The following SUSD6 variants were observed in gnomAD, a reference collection of about 807,000 sequenced individuals.
The protein encoded by SUSD6 is sushi domain containing 6.
In SUSD6, 16 loss-of-function variants were observed where a neutral mutation model predicts 28.4. That is an observed-to-expected ratio of 0.56 (90% confidence interval 0.38 to 0.86). The LOEUF is 0.86. SUSD6 is among the 40% of genes least tolerant of loss of function. SUSD6 has a pLI of 0.00. For synonymous variants in SUSD6, 147 were observed against 159.6 expected, an observed-to-expected ratio of 0.92 and a Z score of 0.59; for missense variants, 341 against 384.2, an observed-to-expected ratio of 0.89 and a Z score of 0.94.
At chr14:69,662,564 C>G (rs1057228407) in intron 2 of SUSD6, among the ~76,000 whole-genome samples, 11 of 152,178 alleles carry the variant, frequency 7.2e-5, no homozygotes, top group Non-Finnish European at 1.0e-4. Context: ...TGATAAGTTT[C>G]CTTTTTAAGA....
chr14:69,674,012 T>C (rs1051118327), intron 2 of SUSD6, among the ~76,000 whole-genome samples: 6 of 152,242 alleles, frequency 3.9e-5, no homozygotes, highest in Admixed American at 3.9e-4. Context: ...TGAGAACTTC[T>C]GTTGATCAGA....
intron 1 of SUSD6, among the ~76,000 whole-genome samples, chr14:69,638,423 A>AGAGTGT (rs1555343232): frequency 7.2e-6 from 1 of 139,142 alleles, no homozygotes; most frequent in African/African-American, 2.7e-5. Context: ...TGGGGTGGGG[A>AGAGTGT]GTGTGTGTGT....
chr14:69,668,076 G>C (rs1169433207), intron 2 of SUSD6, among the ~76,000 whole-genome samples: 1 of 152,182 alleles, frequency 6.6e-6, no homozygotes, highest in South Asian at 2.1e-4. Flanking sequence ...GGCCCAGTGA[G>C]CAGTAGCAGT....
chr14:69,622,304 A>C (rs1885052591), intron 1 of SUSD6, among the ~76,000 whole-genome samples: 2 of 152,140 alleles, frequency 1.3e-5, no homozygotes, highest in African/African-American at 4.8e-5. Flanking sequence ...AGCTGGGACT[A>C]CAGGCATGTG....
Position 69,708,701 on chromosome 14 carries a change from C to T in SUSD6, c.483C>T (p.Asp161=), listed in dbSNP as rs1250238442. Residue 161 remains aspartate, a synonymous_variant, in exon 5 of 6, where the codon GAC becomes GAT. Transcript: ENST00000342745. The part of the protein sequence containing the change: ...HSRRDQGVSG[D]QVSIMVDGVQ... ...GGCGTGACCAGGGGGTATCTGGGGACCAGGTCTCCATCATGGTGGATGGAG... is the reference window on the plus strand; with the variant it reads ...GGCGTGACCAGGGGGTATCTGGGGATCAGGTCTCCATCATGGTGGATGGAG... The T allele has an allele frequency of 1.3e-6, 2 of 1,589,454 alleles. No homozygotes were observed. The highest frequency in any genetic ancestry group is 2.2e-5 in the East Asian group (1 of 44,540).
At chr14:69,669,917 C>T (rs927411315) in intron 2 of SUSD6, among the ~76,000 whole-genome samples, 3 of 152,196 alleles carry the variant, frequency 2.0e-5, no homozygotes, top group Admixed American at 1.3e-4. Context: ...AGAATCTTGA[C>T]TGACTTTGAT....
chr14:69,618,584 C>T lies in SUSD6; in HGVS notation c.-81+6756C>T, dbSNP rs921015836. Among the ~76,000 whole-genome samples, 5 of 152,352 alleles carry T rather than the reference C, an allele frequency of 3.3e-5. No individual in the cohort carries two copies. In the South Asian group the frequency reaches 1.0e-3, roughly 32 times the overall value. On this transcript the variant is annotated intron_variant, in intron 1 of 5. Transcript: ENST00000342745. The stretch of plus-strand genomic sequence containing the variant: ...AGGGATAGGGCATATGCCCTTTGTC[C>T]AGCAAGACAGACAAAAACTAGGAAC...
intron 1 of SUSD6, among the ~76,000 whole-genome samples, chr14:69,627,938 CTT>C (rs35196621): frequency 8.3e-5 from 12 of 144,898 alleles, no homozygotes; most frequent in Non-Finnish European, 1.1e-4. Context: ...CCCAAAGTGA[CTT>C]TTTTTTTTTT....
chr14:69,634,758 A>G (rs1029818829), intron 1 of SUSD6, among the ~76,000 whole-genome samples: 7 of 152,338 alleles, frequency 4.6e-5, no homozygotes, highest in Non-Finnish European at 8.8e-5. Flanking sequence ...TATCCAAAAC[A>G]TGTCTTTACA....
chr14:69,696,585 C>T (rs983960757), intron 2 of SUSD6, among the ~76,000 whole-genome samples: 3 of 152,226 alleles, frequency 2.0e-5, no homozygotes, highest in African/African-American at 7.2e-5. Context: ...CTAAATGCCT[C>T]CTTCTTTCCA....
chr14:69,643,569 G>A (rs1885384087), intron 1 of SUSD6, among the ~76,000 whole-genome samples: 1 of 152,154 alleles, frequency 6.6e-6, no homozygotes, highest in African/African-American at 2.4e-5. Flanking sequence ...ATTAAACCTG[G>A]GCAAACAACT....
At chr14:69,689,024 C>T (rs936792258) in intron 2 of SUSD6, among the ~76,000 whole-genome samples, 3 of 152,170 alleles carry the variant, frequency 2.0e-5, no homozygotes, top group Non-Finnish European at 4.4e-5. Flanking sequence ...CATACCACCT[C>T]TTCTTGATTC....
At chr14:69,686,507 T>C (rs1382786900) in intron 2 of SUSD6, among the ~76,000 whole-genome samples, 3 of 152,226 alleles carry the variant, frequency 2.0e-5, no homozygotes, top group Non-Finnish European at 4.4e-5. Flanking sequence ...TGTATTAGTC[T>C]GTTTTCACGC....
At chr14:69,655,851 G>A (rs902788095) in intron 1 of SUSD6, among the ~76,000 whole-genome samples, 4 of 151,948 alleles carry the variant, frequency 2.6e-5, no homozygotes, top group African/African-American at 4.8e-5. Flanking sequence ...CCATTTGGCC[G>A]GCCCCACTGC....
chr14:69,619,473 C>T lies in SUSD6; in HGVS notation c.-81+7645C>T, dbSNP rs538964500. Among the ~76,000 whole-genome samples, 80 of 152,110 alleles carry T rather than the reference C, an allele frequency of 5.3e-4. 2 individuals are homozygous for T. The South Asian group carries it at 0.017, about 32-fold the overall frequency. On this transcript the variant is annotated intron_variant, in intron 1 of 5. Coordinates refer to ENST00000342745, the MANE Select transcript of SUSD6 (RefSeq NM_014734.4). Reference sequence around the variant, plus strand: ...TGTGTATCTTTGCCATTCAAAAATGCCACCTGGCCTGGTACGGTGGCTCAC... The same window carrying T: ...TGTGTATCTTTGCCATTCAAAAATGTCACCTGGCCTGGTACGGTGGCTCAC...
At chr14:69,667,458 G>C (rs1003480180) in intron 2 of SUSD6, among the ~76,000 whole-genome samples, 5 of 141,202 alleles carry the variant, frequency 3.5e-5, no homozygotes, top group Non-Finnish European at 7.5e-5. Context: ...CTCACTGCAA[G>C]CTCCGCCTCC....
intron 5 of SUSD6, 111 bp from the exon 6 acceptor site, chr14:69,710,843 T>G: frequency 9.9e-7 from 1 of 1,005,924 alleles, no homozygotes; most frequent in Non-Finnish European, 1.6e-6. Context: ...GACATTTACT[T>G]TCTTTAAATT....
intron 2 of SUSD6, among the ~76,000 whole-genome samples, chr14:69,662,560 G>A (rs527999480): frequency 2.0e-5 from 3 of 152,292 alleles, no homozygotes; most frequent in Admixed American, 2.0e-4. Flanking sequence ...TTATTGATAA[G>A]TTTCCTTTTT....
intron 1 of SUSD6, among the ~76,000 whole-genome samples, chr14:69,636,398 A>C (rs1427206489): frequency 6.6e-6 from 1 of 152,158 alleles, no homozygotes; most frequent in South Asian, 2.1e-4. Context: ...TCTCACAGTT[A>C]AGGTAGTGTG....
Sources: gnomAD v4.1 joint callset for allele counts (sites outside exome capture counted in the v4.1 genomes callset) on GRCh38, gnomAD v4.1.1 for gene constraint, MANE v1.5 for transcripts, NCBI Gene and HGNC (gene_info 2026-07-23, HGNC 2026-07-21) for gene names.